Variants in ZNF804B observed in about 807,000 individuals in gnomAD.
The protein encoded by ZNF804B is zinc finger protein 804B.
A neutral mutation model predicts 101.4 loss-of-function variants in ZNF804B; 80 were observed. That is an observed-to-expected ratio of 0.79 (90% CI 0.66 to 0.95). The LOEUF is 0.95. Ranked by LOEUF, ZNF804B falls within the 40% of genes least tolerant of loss-of-function variation. The pLI is 0.00. For missense variants in ZNF804B, 1,673 were observed against 1,561.9 expected, an observed-to-expected ratio of 1.07 and a Z score of -1.20; for synonymous variants, 622 against 558.8, an observed-to-expected ratio of 1.11 and a Z score of -1.59.
intron 1 of ZNF804B, among the ~76,000 whole-genome samples, chr7:88,996,552 C>T (rs562438418): frequency 2.4e-4 from 36 of 152,118 alleles, no homozygotes; most frequent in African/African-American, 8.7e-4. Context: ...GTACTTGAAT[C>T]TTGAATCATT....
chr7:88,798,312 C>T (rs905431714), intron 1 of ZNF804B, among the ~76,000 whole-genome samples: 10 of 152,038 alleles, frequency 6.6e-5, no homozygotes, highest in African/African-American at 2.4e-4. Flanking sequence ...AATGATATTT[C>T]ATCATGATAA....
chr7:88,804,259 A>G (rs183826926), intron 1 of ZNF804B, among the ~76,000 whole-genome samples: 2 of 152,254 alleles, frequency 1.3e-5, no homozygotes, highest in Admixed American at 6.6e-5. Flanking sequence ...ACTATAGAGG[A>G]GGAAGATAGT....
chr7:89,321,027 T>C (rs1467726804), intron 2 of ZNF804B, among the ~76,000 whole-genome samples: 1 of 152,188 alleles, frequency 6.6e-6, no homozygotes, highest in African/African-American at 2.4e-5. Flanking sequence ...CATATGATTT[T>C]TGAATGCATC....
intron 1 of ZNF804B, among the ~76,000 whole-genome samples, chr7:88,876,561 A>G (rs191640243): frequency 1.0e-3 from 153 of 152,226 alleles, no homozygotes; most frequent in African/African-American, 3.2e-3. Flanking sequence ...TTATCTATCA[A>G]TGAGTTCTCT....
intron 2 of ZNF804B, among the ~76,000 whole-genome samples, chr7:89,275,907 A>G (rs772745475): frequency 6.6e-5 from 10 of 151,782 alleles, no homozygotes; most frequent in Non-Finnish European, 1.3e-4. Flanking sequence ...TTGCAAAGAC[A>G]TGGAATCAAC....
intron 1 of ZNF804B, among the ~76,000 whole-genome samples, chr7:89,127,668 T>C (rs1790493759): frequency 6.6e-6 from 1 of 151,732 alleles, no homozygotes; most frequent in Non-Finnish European, 1.5e-5. Flanking sequence ...CATAGTGTCA[T>C]GTTACTGAAT....
chr7:88,812,031 C>A lies in ZNF804B; in HGVS notation c.108+51947C>A, dbSNP rs1304895492. Among the ~76,000 whole-genome samples the A allele has an allele frequency of 2.6e-5, 4 of 152,240 alleles. No individual in the cohort carries two copies. The East Asian group carries it at 7.7e-4, about 29-fold the overall frequency. ...ATGTAATATCTTTTGTCGATAAATT[C>A]TCATATACACTGGAAATCTCCGCTT... On this transcript the variant is annotated intron_variant, in intron 1 of 3. Coordinates refer to ENST00000333190, the MANE Select transcript of ZNF804B (RefSeq NM_181646.5).
intron 1 of ZNF804B, among the ~76,000 whole-genome samples, chr7:88,999,870 C>T (rs2116169456): frequency 6.6e-6 from 1 of 151,992 alleles, no homozygotes; most frequent in East Asian, 1.9e-4. Flanking sequence ...TTCAACCTAG[C>T]CTAGTCCCTT....
intron 1 of ZNF804B, among the ~76,000 whole-genome samples, chr7:89,034,969 A>T (rs4728796): frequency 0.8 from 121,181 of 152,064 alleles, 48,679 homozygotes; most frequent in African/African-American, 0.91. Context: ...ATACTCTAAG[A>T]TCTATTGAGG....
intron 1 of ZNF804B, among the ~76,000 whole-genome samples, chr7:88,888,175 G>T: frequency 6.6e-6 from 1 of 152,182 alleles, no homozygotes; most frequent in Middle Eastern, 3.4e-3. Flanking sequence ...GGCAGATCAC[G>T]AGGTCAGGAC....
intron 1 of ZNF804B, among the ~76,000 whole-genome samples, chr7:88,806,651 G>T (rs1336042701): frequency 6.6e-6 from 1 of 151,912 alleles, no homozygotes; most frequent in Non-Finnish European, 1.5e-5. Flanking sequence ...GTGTGTATGT[G>T]TGTGTGTTGT....
intron 2 of ZNF804B, among the ~76,000 whole-genome samples, chr7:89,291,535 G>T (rs1224564365): frequency 6.6e-6 from 1 of 151,902 alleles, no homozygotes; most frequent in Non-Finnish European, 1.5e-5. Context: ...TCAAACAGAA[G>T]AAAGAATTAG....
intron 1 of ZNF804B, among the ~76,000 whole-genome samples, chr7:89,148,249 ATACT>A (rs988539843): frequency 6.6e-6 from 1 of 152,080 alleles, no homozygotes; most frequent in African/African-American, 2.4e-5. Context: ...TTCTTATAAA[ATACT>A]TAGTAGACCA....
At chr7:89,105,880 G>C (rs1790129043) in intron 1 of ZNF804B, among the ~76,000 whole-genome samples, 1 of 152,086 alleles carries the variant, frequency 6.6e-6, no homozygotes, top group Non-Finnish European at 1.5e-5. Context: ...CAATTAATTT[G>C]ATGTAGTGGT....
chr7:88,999,539 T>C (rs1788253949), intron 1 of ZNF804B, among the ~76,000 whole-genome samples: 1 of 152,164 alleles, frequency 6.6e-6, no homozygotes, highest in East Asian at 1.9e-4. Flanking sequence ...TGAGGAATTC[T>C]ATCTTTCGTT....
chr7:89,154,386 A>G (rs1790923241), intron 1 of ZNF804B, among the ~76,000 whole-genome samples: 1 of 152,166 alleles, frequency 6.6e-6, no homozygotes, highest in Admixed American at 6.6e-5. Flanking sequence ...GCTGGGTATC[A>G]GTATATCAGA....
At chr7:89,219,744 G>A (rs1406486818) in intron 2 of ZNF804B, among the ~76,000 whole-genome samples, 1 of 150,106 alleles carries the variant, frequency 6.7e-6, no homozygotes, top group African/African-American at 2.5e-5. Flanking sequence ...GTGTGGGTAA[G>A]TCTTGTATAC....
chr7:89,132,535 A>C (rs900537318), intron 1 of ZNF804B, among the ~76,000 whole-genome samples: 1 of 152,000 alleles, frequency 6.6e-6, no homozygotes, highest in Non-Finnish European at 1.5e-5. Context: ...CAGCTCCACT[A>C]CCTACTGCTG....
intron 1 of ZNF804B, among the ~76,000 whole-genome samples, chr7:89,176,085 A>G (rs1051221450): frequency 6.6e-6 from 1 of 151,970 alleles, no homozygotes; most frequent in African/African-American, 2.4e-5. Context: ...TAGGACTTCC[A>G]GTATGATGTT....
Sources: gnomAD v4.1 joint callset for allele counts (sites outside exome capture counted in the v4.1 genomes callset) on GRCh38, gnomAD v4.1.1 for gene constraint, MANE v1.5 for transcripts, NCBI Gene and HGNC (gene_info 2026-07-23, HGNC 2026-07-21) for gene names.